The following PCMTD1 variants were observed in gnomAD, a reference collection of about 807,000 sequenced individuals.
The protein encoded by PCMTD1 is protein-L-isoaspartate (D-aspartate) O-methyltransferase domain containing 1, also known as protein-L-isoaspartate O-methyltransferase domain-containing protein 1.
Under a neutral mutation model 37.6 loss-of-function variants are expected in PCMTD1, and 12 were observed. The ratio of observed to expected loss-of-function variants is 0.32; its 90% CI spans 0.20 to 0.52. The LOEUF (loss-of-function observed/expected upper bound fraction) is 0.52, where lower values mean the gene tolerates loss of function less well. Among genes scored for constraint, PCMTD1 ranks in the 20% least tolerant of loss-of-function variants. The probability of loss-of-function intolerance (pLI) is 0.97; values close to 1 mark genes in which losing one functional copy is unlikely to be tolerated. For synonymous variants in PCMTD1, 117 were observed against 135.8 expected, an observed-to-expected ratio of 0.86 and a Z score of 0.96; for missense variants, 235 against 421.3, an observed-to-expected ratio of 0.56 and a Z score of 3.87.
intron 2 of PCMTD1, among the ~76,000 whole-genome samples, chr8:51,851,541 A>G (rs969911243): frequency 1.3e-5 from 2 of 152,240 alleles, no homozygotes; most frequent in African/African-American, 4.8e-5. Flanking sequence ...GCAATAGAAT[A>G]TTAAAATAGA....
At chr8:51,873,455 A>G (rs551557800) in intron 1 of PCMTD1, among the ~76,000 whole-genome samples, 1 of 152,310 alleles carries the variant, frequency 6.6e-6, no homozygotes, top group Non-Finnish European at 1.5e-5. Flanking sequence ...TGAACCAGAG[A>G]AAGTTTAATC....
intron 2 of PCMTD1, among the ~76,000 whole-genome samples, chr8:51,855,191 A>C (rs1214506618): frequency 2.1e-5 from 3 of 141,804 alleles, no homozygotes; most frequent in Non-Finnish European, 3.0e-5. Context: ...AAAAAAAAAC[A>C]AACAAAAAAA....
At chr8:51,834,322 T>C (rs979192133) in intron 3 of PCMTD1, among the ~76,000 whole-genome samples, 2 of 152,166 alleles carry the variant, frequency 1.3e-5, no homozygotes, top group Admixed American at 1.3e-4. Flanking sequence ...CCCGATGATC[T>C]CCCTAAGCAA....
chr8:51,838,023 G>A (rs1265935644), intron 3 of PCMTD1, among the ~76,000 whole-genome samples: 2 of 152,114 alleles, frequency 1.3e-5, no homozygotes, highest in Admixed American at 1.3e-4. Flanking sequence ...CTGAACTCCG[G>A]CAATCTACCT....
At chr8:51,843,347 G>C (rs1358704483) in intron 3 of PCMTD1, among the ~76,000 whole-genome samples, 1 of 151,994 alleles carries the variant, frequency 6.6e-6, no homozygotes, top group Non-Finnish European at 1.5e-5. Context: ...AAAATTTTCA[G>C]AACTGTCTTC....
chr8:51,846,422 T>C (rs1185452194), intron 2 of PCMTD1, among the ~76,000 whole-genome samples: 6 of 152,210 alleles, frequency 3.9e-5, no homozygotes. Context: ...GAGATGTTAT[T>C]GGGCTGGCTC....
At chr8:51,898,487 T>TC (rs2039042957) in intron 1 of PCMTD1, among the ~76,000 whole-genome samples, 1 of 151,514 alleles carries the variant, frequency 6.6e-6, no homozygotes, top group South Asian at 2.1e-4. Context: ...AAAACAGAAG[T>TC]CACTGGGCGG....
At chr8:51,867,732 C>A (rs1251760494) in intron 1 of PCMTD1, among the ~76,000 whole-genome samples, 1 of 151,866 alleles carries the variant, frequency 6.6e-6, no homozygotes, top group Non-Finnish European at 1.5e-5. Context: ...ACAAACACTA[C>A]ATGATCTCAC....
At position 51,881,325 on chromosome 8, in the gene PCMTD1, T is replaced by C. The variant is rs561088950; in HGVS notation, c.-96+17605A>G. ...CAATAATGCCCAGCAATATCTCTTG[T>C]GTTTATTTACCTCTGGCTCCCACCT... On this transcript the variant is annotated intron_variant, in intron 1 of 5. Transcript: ENST00000522514. Among the ~76,000 whole-genome samples the C allele has an allele frequency of 3.3e-5, 5 of 152,336 alleles. No homozygotes were observed. The East Asian group carries it at 7.7e-4, about 23-fold the overall frequency.
chr8:51,872,246 A>AT (rs2038650170), intron 1 of PCMTD1, among the ~76,000 whole-genome samples: 1 of 152,162 alleles, frequency 6.6e-6, no homozygotes, highest in South Asian at 2.1e-4. Context: ...TTTCAAACCT[A>AT]TATTACCACA....
At chr8:51,878,196 C>A (rs1047294503) in intron 1 of PCMTD1, among the ~76,000 whole-genome samples, 2 of 151,874 alleles carry the variant, frequency 1.3e-5, no homozygotes, top group Non-Finnish European at 2.9e-5. Flanking sequence ...GCTTTGAATG[C>A]AGCCAAACAC....
chr8:51,844,429 T>G (rs900847722), intron 3 of PCMTD1, among the ~76,000 whole-genome samples: 3 of 152,164 alleles, frequency 2.0e-5, no homozygotes, highest in African/African-American at 7.2e-5. Flanking sequence ...AACTGCCCCA[T>G]GCCTGCCTGC....
chr8:51,859,863 A>G (rs915181119), intron 2 of PCMTD1, among the ~76,000 whole-genome samples: 10 of 152,154 alleles, frequency 6.6e-5, no homozygotes, highest in African/African-American at 2.4e-4. Flanking sequence ...TTAGGGATAT[A>G]CCTCAACTAT....
rs1324146307 is a variant in PCMTD1 at position 51,818,039 on chromosome 8, C to T, written c.*2312G>A. The T allele has an allele frequency of 1.8e-5, 8 of 435,764 alleles. No homozygotes were observed. Among genetic ancestry groups the T allele is most frequent in the South Asian group, 8.3e-5 (5 of 60,500 alleles). 27.0% of individuals were successfully genotyped at this position (435,764 alleles called of 1,614,324 possible). A position where few individuals can be genotyped will look rare whatever the true frequency, so the allele number is the denominator to read the frequency against. ...ACTTTTACTTAATCTTTATTTGCTA[C>T]TTTTCCACCTATAAAGCGTAATTTT... is the stretch of plus-strand genomic sequence containing the variant. On this transcript the variant is annotated 3_prime_UTR_variant, in exon 6 of 6. Transcript: ENST00000522514.
At chr8:51,898,108 AT>A (rs2039034889) in intron 1 of PCMTD1, among the ~76,000 whole-genome samples, 1 of 152,202 alleles carries the variant, frequency 6.6e-6, no homozygotes, top group Non-Finnish European at 1.5e-5. Context: ...AATTAAAAAA[AT>A]AAATAGGGGA....
At chr8:51,873,327 G>T (rs547364564) in intron 1 of PCMTD1, among the ~76,000 whole-genome samples, 5 of 152,120 alleles carry the variant, frequency 3.3e-5, no homozygotes, top group African/African-American at 1.2e-4. Flanking sequence ...TAAAAATATT[G>T]TAAGAAGAAA....
chr8:51,837,565 C>A (rs1020694913), intron 3 of PCMTD1, among the ~76,000 whole-genome samples: 1 of 152,072 alleles, frequency 6.6e-6, no homozygotes, highest in Non-Finnish European at 1.5e-5. Context: ...TATGGCTTAA[C>A]CTTTTCTAGC....
intron 1 of PCMTD1, among the ~76,000 whole-genome samples, chr8:51,863,859 A>C (rs1460769989): frequency 6.6e-6 from 1 of 151,874 alleles, no homozygotes; most frequent in African/African-American, 2.4e-5. Flanking sequence ...CTTGGGAGGC[A>C]GAGATTGCAG....
At chr8:51,856,693 G>C (rs567841874) in intron 2 of PCMTD1, among the ~76,000 whole-genome samples, 5 of 152,324 alleles carry the variant, frequency 3.3e-5, no homozygotes, top group African/African-American at 1.2e-4. Context: ...AAAGTACTGA[G>C]ACATGCTACA....
Sources: allele counts gnomAD v4.1 joint callset (sites outside exome capture counted in the v4.1 genomes callset), GRCh38; gene constraint gnomAD v4.1.1; transcripts MANE v1.5; gene names NCBI Gene and HGNC (gene_info 2026-07-23, HGNC 2026-07-21).